The following GALNT7 variants were observed in gnomAD, a reference collection of about 807,000 sequenced individuals.
The protein encoded by GALNT7 is polypeptide N-acetylgalactosaminyltransferase 7, also known as N-acetylgalactosaminyltransferase 7.
In GALNT7, 60 loss-of-function variants were observed where a neutral mutation model predicts 82.1. The observed-to-expected ratio is 0.73, with a 90% CI of 0.59 to 0.91. GALNT7 has a LOEUF of 0.91. Among genes scored for constraint, GALNT7 ranks in the 40% least tolerant of loss-of-function variants. The pLI, the probability that GALNT7 is intolerant of heterozygous loss-of-function variation, is 0.00. For synonymous variants in GALNT7, 243 were observed against 275.1 expected (o/e 0.88, Z 1.15); for missense variants, 660 against 804.2 (o/e 0.82, Z 2.17).
chr4:173,218,644 T>G (rs1733546282), intron 1 of GALNT7, among the ~76,000 whole-genome samples: 1 of 152,212 alleles, frequency 6.6e-6, no homozygotes, highest in Non-Finnish European at 1.5e-5. Flanking sequence ...GCATTGCTAT[T>G]CACATTGTGT....
chr4:173,204,066 A>C (rs1210695919), intron 1 of GALNT7, among the ~76,000 whole-genome samples: 1 of 152,092 alleles, frequency 6.6e-6, no homozygotes, highest in Non-Finnish European at 1.5e-5. Flanking sequence ...CAAGTCTTTT[A>C]TCTCTCCTTA....
chr4:173,183,519 C>T (rs1021256452), intron 1 of GALNT7, among the ~76,000 whole-genome samples: 3 of 151,842 alleles, frequency 2.0e-5, no homozygotes, highest in African/African-American at 7.3e-5. Flanking sequence ...TTTCTTAGTA[C>T]AGAACAAAAT....
At chr4:173,284,625 C>G (rs941756899) in intron 2 of GALNT7, among the ~76,000 whole-genome samples, 3 of 151,800 alleles carry the variant, frequency 2.0e-5, no homozygotes, top group Admixed American at 2.0e-4. Context: ...TTTTGGGAAG[C>G]CTGTGAAATA....
intron 1 of GALNT7, among the ~76,000 whole-genome samples, chr4:173,178,057 GC>G: frequency 7.1e-6 from 1 of 140,024 alleles, no homozygotes; most frequent in Admixed American, 7.1e-5. Flanking sequence ...GTGTGTGCGC[GC>G]ACGCGCGTGC....
At chr4:173,315,686 T>C (rs996293289) in intron 9 of GALNT7, among the ~76,000 whole-genome samples, 5 of 152,198 alleles carry the variant, frequency 3.3e-5, no homozygotes, top group Non-Finnish European at 5.9e-5. Context: ...CCTGTCCTAT[T>C]ACAGCAAATT....
chr4:173,176,751 T>C (rs1211571999), intron 1 of GALNT7, among the ~76,000 whole-genome samples: 1 of 151,988 alleles, frequency 6.6e-6, no homozygotes, highest in Admixed American at 6.6e-5. Context: ...CTGTGACCAA[T>C]CCTGGGGACT....
intron 1 of GALNT7, among the ~76,000 whole-genome samples, chr4:173,185,462 A>T (rs966925756): frequency 1.3e-5 from 2 of 152,080 alleles, no homozygotes; most frequent in South Asian, 4.2e-4. Flanking sequence ...AGAAGCTAGT[A>T]TAATTTAGGG....
chr4:173,313,927 C>T lies in GALNT7; in HGVS notation c.1390-31C>T, dbSNP rs549265035. 579 of 968,676 alleles carry T rather than the reference C, an allele frequency of 6.0e-4. 7 individuals carry two copies. In the South Asian group the frequency reaches 8.6e-3, roughly 14 times the overall value. 60.0% of individuals were successfully genotyped at this position (968,676 alleles called of 1,614,324 possible). Reference sequence around the variant, plus strand: ...TGATATGACATTTGTATTTTTATAACGATATATATATATATATTTTTTTTT... The same window carrying T: ...TGATATGACATTTGTATTTTTATAATGATATATATATATATATTTTTTTTT... On this transcript the variant is annotated intron_variant, in intron 8 of 11. Transcript: ENST00000265000.
At chr4:173,294,988 G>A (rs536054138) in intron 3 of GALNT7, among the ~76,000 whole-genome samples, 1 of 152,258 alleles carries the variant, frequency 6.6e-6, no homozygotes, top group South Asian at 2.1e-4. Flanking sequence ...GTGGATTCCA[G>A]TGCAATTGTA....
chr4:173,234,353 C>G (rs1561166100), intron 1 of GALNT7, among the ~76,000 whole-genome samples: 1 of 152,102 alleles, frequency 6.6e-6, no homozygotes, highest in South Asian at 2.1e-4. Flanking sequence ...ATTCTCCAGT[C>G]CAGACCTCTT....
chr4:173,189,412 A>T (rs900481401), intron 1 of GALNT7, among the ~76,000 whole-genome samples: 3 of 152,236 alleles, frequency 2.0e-5, no homozygotes, highest in African/African-American at 7.2e-5. Context: ...AGTATAACCC[A>T]TATTAGATTT....
chr4:173,217,597 T>C (rs1235384738), intron 1 of GALNT7, among the ~76,000 whole-genome samples: 5 of 152,228 alleles, frequency 3.3e-5, no homozygotes, highest in Non-Finnish European at 7.4e-5. Context: ...TTGGACTTAA[T>C]ATTTCTATTG....
chr4:173,303,037 T>A (rs571866207), intron 7 of GALNT7, among the ~76,000 whole-genome samples: 2,087 of 151,890 alleles, frequency 0.014, 58 homozygotes, highest in African/African-American at 0.048. Flanking sequence ...TCTACTAAAA[T>A]ACAAAAAATT....
chr4:173,169,650 C>T (rs1731783824), intron 1 of GALNT7: 1 of 151,668 alleles, frequency 6.6e-6, no homozygotes, highest in African/African-American at 2.4e-5. Flanking sequence ...CGCCGGTCCC[C>T]CTCGCGTCCC....
At chr4:173,207,168 A>G (rs1733126914) in intron 1 of GALNT7, among the ~76,000 whole-genome samples, 1 of 152,194 alleles carries the variant, frequency 6.6e-6, no homozygotes, top group Non-Finnish European at 1.5e-5. Flanking sequence ...TTTGAGTACC[A>G]GGACTGTGCA....
chr4:173,171,497 G>T (rs1297309770), intron 1 of GALNT7, among the ~76,000 whole-genome samples: 1 of 152,166 alleles, frequency 6.6e-6, no homozygotes, highest in Non-Finnish European at 1.5e-5. Flanking sequence ...TTTTTGTCTT[G>T]AACTATGAAT....
intron 2 of GALNT7, among the ~76,000 whole-genome samples, chr4:173,277,599 T>TA (rs1289217907): frequency 2.0e-5 from 3 of 152,148 alleles, no homozygotes; most frequent in Admixed American, 2.0e-4. Flanking sequence ...AGGAGATTCT[T>TA]AGAGAAGGGG....
chr4:173,224,209 C>T (rs191084198), intron 1 of GALNT7, among the ~76,000 whole-genome samples: 1 of 152,300 alleles, frequency 6.6e-6, no homozygotes, highest in East Asian at 1.9e-4. Context: ...TGTGGGTCGA[C>T]TACAGTTTCT....
At chr4:173,265,571 T>C (rs1278259961) in intron 2 of GALNT7, among the ~76,000 whole-genome samples, 1 of 151,172 alleles carries the variant, frequency 6.6e-6, no homozygotes, top group Non-Finnish European at 1.5e-5. Flanking sequence ...TTACTAGCAG[T>C]GATGGTGGCG....
Sources: allele counts gnomAD v4.1 joint callset (sites outside exome capture counted in the v4.1 genomes callset), GRCh38; gene constraint gnomAD v4.1.1; transcripts MANE v1.5; gene names NCBI Gene and HGNC (gene_info 2026-07-23, HGNC 2026-07-21).